Variants in IPCEF1 observed in about 807,000 individuals in gnomAD.
IPCEF1 encodes the protein interaction protein for cytohesin exchange factors 1.
Under a neutral mutation model 50.9 loss-of-function variants are expected in IPCEF1, and 31 were observed. The ratio of observed to expected loss-of-function variants is 0.61; its 90% CI spans 0.46 to 0.82. IPCEF1 has a LOEUF of 0.82. Among genes scored for constraint, IPCEF1 ranks in the 40% least tolerant of loss-of-function variants. The pLI, the probability that IPCEF1 is intolerant of heterozygous loss-of-function variation, is 0.00. For synonymous variants in IPCEF1, 181 were observed against 192.0 expected (o/e 0.94, Z 0.47); for missense variants, 458 against 514.0 (o/e 0.89, Z 1.05).
At chr6:154,332,217 C>A (rs535354867) in intron 1 of IPCEF1, among the ~76,000 whole-genome samples, 1 of 151,646 alleles carries the variant, frequency 6.6e-6, no homozygotes, top group East Asian at 1.9e-4. Flanking sequence ...TATCAGGGAT[C>A]ATGATATTTT....
At chr6:154,220,295 A>C (rs1778758957) in intron 7 of IPCEF1, among the ~76,000 whole-genome samples, 1 of 152,194 alleles carries the variant, frequency 6.6e-6, no homozygotes, top group African/African-American at 2.4e-5. Flanking sequence ...GAATTCTGAG[A>C]ATAGGGCTAA....
At chr6:154,220,016 GTGTGT>G (rs1239883137) in intron 7 of IPCEF1, among the ~76,000 whole-genome samples, 1 of 151,864 alleles carries the variant, frequency 6.6e-6, no homozygotes, top group Non-Finnish European at 1.5e-5. Flanking sequence ...GTGTGTGTGT[GTGTGT>G]GTGTGTGTCC....
intron 1 of IPCEF1, among the ~76,000 whole-genome samples, chr6:154,333,612 A>G (rs1291368537): frequency 6.9e-6 from 1 of 145,416 alleles, no homozygotes; most frequent in Non-Finnish European, 1.6e-5. Context: ...GTATACAAGT[A>G]TACATATATA....
chr6:154,166,288 C>T (rs559647128), intron 11 of IPCEF1, among the ~76,000 whole-genome samples: 1 of 152,318 alleles, frequency 6.6e-6, no homozygotes, highest in South Asian at 2.1e-4. Context: ...GTTGGCCCCC[C>T]AGTGGCCAGG....
intron 9 of IPCEF1, among the ~76,000 whole-genome samples, chr6:154,207,321 A>G (rs1771805877): frequency 6.6e-6 from 1 of 152,230 alleles, no homozygotes; most frequent in African/African-American, 2.4e-5. Flanking sequence ...ATGGCTTACA[A>G]TCATTTTTTG....
intron 1 of IPCEF1, among the ~76,000 whole-genome samples, chr6:154,328,480 C>T (rs917437787): frequency 6.6e-6 from 1 of 152,080 alleles, no homozygotes; most frequent in African/African-American, 2.4e-5. Flanking sequence ...TGGCTCACAC[C>T]TGTAATCCCA....
chr6:154,321,814 A>G (rs1399247491), intron 1 of IPCEF1, among the ~76,000 whole-genome samples: 1 of 149,610 alleles, frequency 6.7e-6, no homozygotes, highest in African/African-American at 2.4e-5. Flanking sequence ...AAACCAAGGA[A>G]CCTTACAAAA....
intron 1 of IPCEF1, among the ~76,000 whole-genome samples, chr6:154,328,821 A>C (rs1331415333): frequency 1.3e-5 from 2 of 152,176 alleles, no homozygotes; most frequent in Non-Finnish European, 2.9e-5. Flanking sequence ...TCCCGGTCTC[A>C]CTTTAGAAAA....
intron 5 of IPCEF1, among the ~76,000 whole-genome samples, chr6:154,233,464 T>C (rs1779877673): frequency 6.6e-6 from 1 of 152,200 alleles, no homozygotes; most frequent in Non-Finnish European, 1.5e-5. Context: ...ACCCTATGAA[T>C]ATAACTAGAT....
intron 1 of IPCEF1, among the ~76,000 whole-genome samples, chr6:154,350,033 T>C (rs1041211649): frequency 6.6e-6 from 1 of 152,208 alleles, no homozygotes; most frequent in East Asian, 1.9e-4. Context: ...AACTCAAGAA[T>C]ATGCTTGAAA....
chr6:154,267,088 A>G (rs1781774945), intron 2 of IPCEF1, among the ~76,000 whole-genome samples: 1 of 152,032 alleles, frequency 6.6e-6, no homozygotes, highest in African/African-American at 2.4e-5. Flanking sequence ...TGTGAAAGAG[A>G]TAAACCACAA....
intron 9 of IPCEF1, among the ~76,000 whole-genome samples, chr6:154,200,573 T>C (rs2128592068): frequency 6.6e-6 from 1 of 152,000 alleles, no homozygotes; most frequent in Non-Finnish European, 1.5e-5. Context: ...ATACAAAAAT[T>C]AGCCTGGCTT....
chr6:154,173,479 G>T (rs189752471), intron 10 of IPCEF1, among the ~76,000 whole-genome samples: 58 of 152,248 alleles, frequency 3.8e-4, no homozygotes, highest in African/African-American at 1.3e-3. Flanking sequence ...GAGTTTAAAT[G>T]ATCTTTTGGT....
At chr6:154,241,065 G>T (rs1023354432) in intron 5 of IPCEF1, among the ~76,000 whole-genome samples, 1 of 151,838 alleles carries the variant, frequency 6.6e-6, no homozygotes, top group Non-Finnish European at 1.5e-5. Context: ...GTGAAACCCC[G>T]TCTCTACTAA....
intron 3 of IPCEF1, among the ~76,000 whole-genome samples, chr6:154,263,094 G>A (rs1476340477): frequency 6.6e-6 from 1 of 151,782 alleles, no homozygotes; most frequent in East Asian, 1.9e-4. Flanking sequence ...TCTTAAAATG[G>A]AATTTTTCCT....
intron 5 of IPCEF1, among the ~76,000 whole-genome samples, chr6:154,227,498 C>T (rs1428013939): frequency 1.3e-5 from 2 of 152,060 alleles, no homozygotes; most frequent in Admixed American, 1.3e-4. Context: ...GTGGGAGGAT[C>T]ACTTGAGCCC....
At chr6:154,309,375 G>A (rs1212130884) in intron 1 of IPCEF1, among the ~76,000 whole-genome samples, 3 of 152,142 alleles carry the variant, frequency 2.0e-5, no homozygotes, top group African/African-American at 7.2e-5. Context: ...AGCACAACAG[G>A]AGCTCACAAC....
At chr6:154,238,370 C>T (rs2128633503) in intron 5 of IPCEF1, among the ~76,000 whole-genome samples, 1 of 152,224 alleles carries the variant, frequency 6.6e-6, no homozygotes, top group East Asian at 1.9e-4. Flanking sequence ...ATTCTCCTGC[C>T]TCACTCTCCC....
At chr6:154,246,915 A>G in intron 4 of IPCEF1, 155 bp from the exon 5 acceptor site, 1 of 719,064 alleles carries the variant, frequency 1.4e-6, no homozygotes, top group Non-Finnish European at 2.0e-6. Flanking sequence ...AGCCTATGCA[A>G]AACCTATGCA....
Sources: gnomAD v4.1 joint callset for allele counts (sites outside exome capture counted in the v4.1 genomes callset) on GRCh38, gnomAD v4.1.1 for gene constraint, MANE v1.5 for transcripts, NCBI Gene and HGNC (gene_info 2026-07-23, HGNC 2026-07-21) for gene names.